The following OR51B5 variants were observed in gnomAD, a reference collection of about 807,000 sequenced individuals.
The protein encoded by OR51B5 is olfactory receptor family 51 subfamily B member 5, also known as olfactory receptor 51B5.
For missense variants in OR51B5, 456 were observed against 374.6 expected (o/e 1.22, Z -1.79); for synonymous variants, 186 against 144.8 (o/e 1.28, Z -2.04).
chr11:5,453,698 T>C, intron 1 of OR51B5: 1 of 1,613,900 alleles, frequency 6.2e-7, no homozygotes, highest in Non-Finnish European at 8.5e-7. Context: ...CCTTCAGTGA[T>C]GTGGCCATAT....
chr11:5,390,004 A>G, intron 1 of OR51B5: 1 of 1,613,306 alleles, frequency 6.2e-7, no homozygotes, highest in East Asian at 2.2e-5. Flanking sequence ...TGGCCTGCAC[A>G]GATATCACCT....
At chr11:5,376,269 A>AGTTT (rs1849526537) in intron 1 of OR51B5, among the ~76,000 whole-genome samples, 1 of 152,196 alleles carries the variant, frequency 6.6e-6, no homozygotes, top group African/African-American at 2.4e-5. Flanking sequence ...ACCAATGAGA[A>AGTTT]CAAAGACACA....
intron 1 of OR51B5, among the ~76,000 whole-genome samples, chr11:5,426,592 C>A (rs954405990): frequency 1.2e-4 from 19 of 152,112 alleles, no homozygotes; most frequent in African/African-American, 3.6e-4. Flanking sequence ...GAATCAGTTT[C>A]TCATGGCGGT....
At chr11:5,484,119 G>C (rs1212893762) in intron 1 of OR51B5, among the ~76,000 whole-genome samples, 1 of 152,084 alleles carries the variant, frequency 6.6e-6, no homozygotes, top group East Asian at 1.9e-4. Flanking sequence ...GCAAACTCAT[G>C]TCTCTTGTGC....
intron 1 of OR51B5, among the ~76,000 whole-genome samples, chr11:5,483,141 A>G (rs1851448731): frequency 6.6e-6 from 1 of 151,024 alleles, no homozygotes; most frequent in Non-Finnish European, 1.5e-5. Flanking sequence ...GATTAAGAAA[A>G]TGTGGCACAT....
intron 1 of OR51B5, chr11:5,355,626 A>G (rs2647601): frequency 0.38 from 57,197 of 152,138 alleles, 11,005 homozygotes; most frequent in Non-Finnish European, 0.41. Flanking sequence ...CAGGAAAAAT[A>G]TCATCTTCAC....
At chr11:5,424,695 G>C (rs1045300617) in intron 1 of OR51B5, among the ~76,000 whole-genome samples, 1 of 151,806 alleles carries the variant, frequency 6.6e-6, no homozygotes, top group Non-Finnish European at 1.5e-5. Context: ...AGAAGTGAAA[G>C]GCAGGGCCTG....
At chr11:5,493,618 C>T (rs1254105122) in intron 1 of OR51B5, among the ~76,000 whole-genome samples, 1 of 152,146 alleles carries the variant, frequency 6.6e-6, no homozygotes, top group East Asian at 1.9e-4. Flanking sequence ...TATATTTCAA[C>T]TGTAAAAGCA....
intron 1 of OR51B5, chr11:5,385,314 A>C (rs1392560784): frequency 6.6e-6 from 1 of 152,164 alleles, no homozygotes; most frequent in Non-Finnish European, 1.5e-5. Context: ...TATACTTTCC[A>C]AGAGAAATAA....
exon 1 of OR51B5, chr11:5,342,604 G>A: frequency 6.3e-7 from 1 of 1,591,084 alleles, no homozygotes; most frequent in Non-Finnish European, 8.5e-7. Flanking sequence ...CAATTCTATG[G>A]GTAGTAAAAA....
rs753829908 is a variant in OR51B5 at position 5,389,595 on chromosome 11, G to A, written n.85-42685C>T. 96 of 1,613,584 alleles carry A rather than the reference G, an allele frequency of 5.9e-5. No individual in the cohort carries two copies. The highest frequency in any genetic ancestry group is 1.6e-4 in the Middle Eastern group (1 of 6,084). On this transcript the variant is annotated intron_variant and non_coding_transcript_variant, in intron 1 of 4. Transcript: ENST00000415970. Reference sequence around the variant, plus strand: ...CTGATCATTATTAAGACCAACCCTCGTCTGCACACACCCATGTACTATCTA... The same window carrying A: ...CTGATCATTATTAAGACCAACCCTCATCTGCACACACCCATGTACTATCTA...
At position 5,456,576 on chromosome 11, in the gene OR51B5, A is replaced by C. The variant is rs150161453; in HGVS notation, n.84+48993T>G. ...ATTTTGGTCTAAAATAAAGGTAAAA[A>C]TCAAACTTTGTTTTTGAATTCTTTG... On this transcript the variant is annotated intron_variant and non_coding_transcript_variant, in intron 1 of 4. Coordinates refer to the OR51B5 transcript ENST00000415970. 13 of 152,326 alleles carry C rather than the reference A, an allele frequency of 8.5e-5. No homozygotes were observed. The East Asian group carries it at 2.5e-3, about 29-fold the overall frequency. 9.4% of individuals were successfully genotyped at this position (152,326 alleles called of 1,614,324 possible).
At chr11:5,473,728 T>C (rs528473721) in intron 1 of OR51B5, among the ~76,000 whole-genome samples, 85 of 152,312 alleles carry the variant, frequency 5.6e-4, no homozygotes, top group Non-Finnish European at 9.4e-4. Flanking sequence ...TAAATATATG[T>C]GTGTAATATT....
intron 1 of OR51B5, chr11:5,488,569 T>C (rs921592041): frequency 3.0e-6 from 2 of 675,312 alleles, no homozygotes; most frequent in Non-Finnish European, 5.0e-6. Context: ...TTTGTACAAG[T>C]GAAAAACAAA....
chr11:5,428,263 T>C (rs887800787), intron 1 of OR51B5, among the ~76,000 whole-genome samples: 4 of 149,580 alleles, frequency 2.7e-5, no homozygotes, highest in Admixed American at 6.6e-5. Flanking sequence ...CACAATAAAG[T>C]GAATATTGCA....
exon 1 of OR51B5, chr11:5,343,254 C>T (rs1159995546): frequency 6.2e-7 from 1 of 1,613,518 alleles, no homozygotes. Context: ...GCCGCACTTC[C>T]AATCTCCCTG....
chr11:5,471,836 T>C (rs906691933), intron 1 of OR51B5, among the ~76,000 whole-genome samples: 6 of 152,082 alleles, frequency 3.9e-5, no homozygotes, highest in African/African-American at 1.4e-4. Context: ...TATTTTCACA[T>C]CTCTAGAATA....
At chr11:5,426,391 G>A (rs964346877) in intron 1 of OR51B5, among the ~76,000 whole-genome samples, 1 of 152,106 alleles carries the variant, frequency 6.6e-6, no homozygotes, top group Non-Finnish European at 1.5e-5. Flanking sequence ...GACATTATAG[G>A]ATTACAGGAT....
chr11:5,406,992 C>T (rs1850067019), intron 1 of OR51B5, among the ~76,000 whole-genome samples: 1 of 151,734 alleles, frequency 6.6e-6, no homozygotes, highest in African/African-American at 2.4e-5. Flanking sequence ...CACAACTAGC[C>T]CAAAACCACA....
Sources: gnomAD v4.1 joint callset for allele counts (sites outside exome capture counted in the v4.1 genomes callset) on GRCh38, gnomAD v4.1.1 for gene constraint, MANE v1.5 for transcripts, NCBI Gene and HGNC (gene_info 2026-07-23, HGNC 2026-07-21) for gene names.